MYO3A: variants seen among roughly 807,000 people sequenced by gnomAD.
MYO3A encodes myosin IIIA, also known as myosin-IIIa.
Under a neutral mutation model 192.7 loss-of-function variants are expected in MYO3A, and 180 were observed. The ratio of observed to expected loss-of-function variants is 0.93; its 90% confidence interval spans 0.83 to 1.06. MYO3A has a LOEUF of 1.06. MYO3A is among the 50% of genes least tolerant of loss of function. The probability of loss-of-function intolerance (pLI) is 0.00; values close to 1 mark genes in which losing one functional copy is unlikely to be tolerated. For missense variants in MYO3A, 1,896 were observed against 1,905.0 expected (o/e 1.00, Z 0.09); for synonymous variants, 628 against 645.3 (o/e 0.97, Z 0.41).
intron 3 of MYO3A, among the ~76,000 whole-genome samples, chr10:25,953,318 A>G (rs575499569): frequency 6.6e-6 from 1 of 151,972 alleles, no homozygotes; most frequent in African/African-American, 2.4e-5. Context: ...TGCTAAACCC[A>G]TTATAACTAC....
intron 14 of MYO3A, among the ~76,000 whole-genome samples, chr10:26,072,312 G>A (rs1835256004): frequency 6.6e-6 from 1 of 152,094 alleles, no homozygotes; most frequent in African/African-American, 2.4e-5. Context: ...AAACACCAGG[G>A]GTTTGGTCTA....
chr10:26,024,991 G>C (rs1198577514), intron 9 of MYO3A, among the ~76,000 whole-genome samples: 2 of 152,176 alleles, frequency 1.3e-5, no homozygotes, highest in African/African-American at 4.8e-5. Context: ...GTGTCTAGCA[G>C]AGTAACTCCA....
intron 17 of MYO3A, among the ~76,000 whole-genome samples, chr10:26,110,810 C>G (rs1178049777): frequency 6.6e-6 from 1 of 151,812 alleles, no homozygotes; most frequent in Non-Finnish European, 1.5e-5. Flanking sequence ...AACTGTAGGA[C>G]CTGGAGTCAG....
intron 14 of MYO3A, among the ~76,000 whole-genome samples, chr10:26,075,931 G>A (rs976145721): frequency 2.0e-5 from 3 of 151,086 alleles, no homozygotes; most frequent in East Asian, 1.9e-4. Context: ...ATGATTTTAC[G>A]ATTGTAAATT....
intron 10 of MYO3A, among the ~76,000 whole-genome samples, chr10:26,051,424 A>G (rs974433142): frequency 6.6e-6 from 1 of 151,874 alleles, no homozygotes; most frequent in Admixed American, 6.6e-5. Context: ...AGCATATAGA[A>G]AAATACTAAT....
intron 20 of MYO3A, among the ~76,000 whole-genome samples, chr10:26,132,141 C>T (rs1472084101): frequency 6.6e-6 from 1 of 152,120 alleles, no homozygotes; most frequent in Admixed American, 6.6e-5. Flanking sequence ...TGAATTTCCA[C>T]GATAAATATG....
chr10:26,110,690 T>C (rs1172499362), intron 17 of MYO3A, among the ~76,000 whole-genome samples: 1 of 152,074 alleles, frequency 6.6e-6, no homozygotes, highest in African/African-American at 2.4e-5. Context: ...GTGTAAAGGA[T>C]AGAGTGTGCA....
At chr10:26,179,673 A>C (rs1286965099) in intron 31 of MYO3A, among the ~76,000 whole-genome samples, 1 of 152,250 alleles carries the variant, frequency 6.6e-6, no homozygotes, top group African/African-American at 2.4e-5. Context: ...TTATGCAAAC[A>C]CATTCAAACA....
chr10:26,153,947 T>G lies in MYO3A; in HGVS notation c.2715+18T>G, dbSNP rs1300719587. 9 of 1,519,608 alleles carry G rather than the reference T, an allele frequency of 5.9e-6. No homozygotes were observed. Among genetic ancestry groups the G allele is most frequent in the Non-Finnish European group, 7.3e-6 (8 of 1,094,890 alleles). The allele number at this position is 1,519,608 out of a possible 1,614,324, so 94.1% of individuals were successfully genotyped here. A position where few individuals can be genotyped will look rare whatever the true frequency, so the allele number is the denominator to read the frequency against. ...TGGCAAAGGTAAGAAAATGCTTTTT[T>G]TCTTGGCAGTGAGTCTAAGAATCTA... is the stretch of plus-strand genomic sequence containing the variant. On this transcript the variant is annotated intron_variant, in intron 24 of 34. Transcript: ENST00000642920.
intron 26 of MYO3A, among the ~76,000 whole-genome samples, chr10:26,161,891 A>G (rs764455206): frequency 6.6e-6 from 1 of 152,184 alleles, no homozygotes; most frequent in Non-Finnish European, 1.5e-5. Context: ...AGTCCCAGCA[A>G]CAGCACATTA....
rs1224906706 is a variant in MYO3A, at chr10:26,096,432, AAAG to A, written c.1620_1622del (p.Lys541del). The A allele has an allele frequency of 1.2e-6, 2 of 1,613,752 alleles. No homozygotes were observed. The highest frequency in any genetic ancestry group is 4.5e-5 in the East Asian group (2 of 44,814). ...ACTACATTTATGCTGGTTTGGCTGA[AAAG>A]AAGAAACTAGCCCATTACAAACTGC... On this transcript the variant is annotated inframe_deletion, in exon 16 of 35. Transcript: ENST00000642920.
intron 4 of MYO3A, among the ~76,000 whole-genome samples, chr10:25,983,830 C>A (rs1238167041): frequency 6.6e-6 from 1 of 152,072 alleles, no homozygotes; most frequent in African/African-American, 2.4e-5. Flanking sequence ...AAAGTCAAGA[C>A]AAAGGAAAGA....
intron 6 of MYO3A, among the ~76,000 whole-genome samples, chr10:26,010,456 T>TG (rs1279391397): frequency 8.4e-5 from 12 of 142,604 alleles, no homozygotes; most frequent in African/African-American, 3.1e-4. Flanking sequence ...AGTTGTTTTT[T>TG]TTTTTTTTTT....
At chr10:26,056,579 C>A (rs1417176060) in intron 10 of MYO3A, among the ~76,000 whole-genome samples, 2 of 152,108 alleles carry the variant, frequency 1.3e-5, no homozygotes, top group African/African-American at 2.4e-5. Flanking sequence ...CAGTGATGAT[C>A]TGCTATAAAC....
chr10:26,156,681 G>A (rs977315296), intron 25 of MYO3A, among the ~76,000 whole-genome samples: 1 of 152,068 alleles, frequency 6.6e-6, no homozygotes, highest in African/African-American at 2.4e-5. Flanking sequence ...CAGGGATTAA[G>A]GTGTTCCCTT....
intron 26 of MYO3A, among the ~76,000 whole-genome samples, chr10:26,160,513 C>T: frequency 6.6e-6 from 1 of 152,010 alleles, no homozygotes; most frequent in Admixed American, 6.6e-5. Context: ...GGTGTGGTGG[C>T]TCATGCCTGT....
Position 26,143,324 on chromosome 10 carries a change from C to T in MYO3A, c.2263-124C>T. The T allele has an allele frequency of 8.3e-6, 8 of 965,064 alleles. No homozygotes were observed. In the South Asian group the frequency reaches 1.2e-4, roughly 14 times the overall value. The allele number at this position is 965,064 out of a possible 1,614,324, so 59.8% of individuals were successfully genotyped here. A position where few individuals can be genotyped will look rare whatever the true frequency, so the allele number is the denominator to read the frequency against. Reference sequence around the variant, plus strand: ...CCAGCCTGGACGACAGAGCGAGTCTCCGTCACAAAAAAAGCAAGGTCAAAG... The same window carrying T: ...CCAGCCTGGACGACAGAGCGAGTCTTCGTCACAAAAAAAGCAAGGTCAAAG... On this transcript the variant is annotated intron_variant, in intron 20 of 34. Transcript: ENST00000642920.
At chr10:26,171,346 A>T (rs1051216285) in intron 29 of MYO3A, among the ~76,000 whole-genome samples, 1 of 152,078 alleles carries the variant, frequency 6.6e-6, no homozygotes, top group Non-Finnish European at 1.5e-5. Context: ...GAAGGAATGA[A>T]ATAGAAGAAG....
Position 26,144,945 on chromosome 10 carries a change from A to G in MYO3A, c.2417-501A>G, listed in dbSNP as rs541465344. On this transcript the variant is annotated intron_variant, in intron 21 of 34. Coordinates refer to ENST00000642920, the MANE Select transcript of MYO3A (RefSeq NM_017433.5). ...AATCCCAGCACTTTGGGAGGCCGAC[A>G]CAGGTGGATCACCTGAGGTCAGGAG... Among the ~76,000 whole-genome samples, 7 of 152,172 alleles carry G rather than the reference A, an allele frequency of 4.6e-5. No individual in the cohort carries two copies. In the East Asian group the frequency reaches 1.4e-3, roughly 29 times the overall value.
Sources: allele counts gnomAD v4.1 joint callset (sites outside exome capture counted in the v4.1 genomes callset), GRCh38; gene constraint gnomAD v4.1.1; transcripts MANE v1.5; gene names NCBI Gene and HGNC (gene_info 2026-07-23, HGNC 2026-07-21).